FOXP2: variants seen among roughly 807,000 people sequenced by gnomAD.
FOXP2 encodes forkhead box protein P2.
FOXP2 carries 12 observed loss-of-function variants against 115.8 expected under a neutral mutation model. That is an observed-to-expected ratio of 0.10 (90% CI 0.07 to 0.17). The LOEUF (loss-of-function observed/expected upper bound fraction) is 0.17. FOXP2 is among the 10% of genes least tolerant of loss of function. The pLI, the probability that FOXP2 is intolerant of heterozygous loss-of-function variation, is 1.00. For missense variants in FOXP2, 629 were observed against 843.5 expected (o/e 0.75, Z 3.15); for synonymous variants, 328 against 297.7 (o/e 1.10, Z -1.05).
intron 1 of FOXP2, among the ~76,000 whole-genome samples, chr7:114,256,082 A>G (rs540165663): frequency 8.5e-5 from 13 of 152,204 alleles, no homozygotes; most frequent in African/African-American, 2.9e-4. Flanking sequence ...AATCATTGCC[A>G]TTCTGATTGG....
At chr7:114,461,720 T>C (rs1201415691) in intron 2 of FOXP2, among the ~76,000 whole-genome samples, 1 of 152,128 alleles carries the variant, frequency 6.6e-6, no homozygotes. Flanking sequence ...TCATTCTTTC[T>C]TCTTCACTCC....
intron 15 of FOXP2, 25 bp from the exon 16 acceptor site, chr7:114,664,248 T>C: frequency 6.2e-7 from 1 of 1,611,526 alleles, no homozygotes; most frequent in Non-Finnish European, 8.5e-7. Flanking sequence ...TTGAAAGTTG[T>C]TTTACACAAT....
chr7:114,536,684 C>T (rs557000284), intron 3 of FOXP2, among the ~76,000 whole-genome samples: 2 of 151,438 alleles, frequency 1.3e-5, no homozygotes, highest in Non-Finnish European at 3.0e-5. Context: ...CATTGTGTCA[C>T]TTGTTTTTCA....
intron 1 of FOXP2, among the ~76,000 whole-genome samples, chr7:114,235,995 T>G (rs1250335942): frequency 2.0e-5 from 3 of 152,198 alleles, no homozygotes; most frequent in Admixed American, 1.3e-4. Flanking sequence ...TTTTTGACAG[T>G]TACTTCCCTA....
chr7:114,666,736 G>T (rs1045129548), intron 16 of FOXP2: 3 of 152,188 alleles, frequency 2.0e-5, no homozygotes, highest in Non-Finnish European at 2.9e-5. Flanking sequence ...TGTAATGCCA[G>T]ACTGTCAGGG....
intron 3 of FOXP2, among the ~76,000 whole-genome samples, chr7:114,621,734 G>A (rs139820241): frequency 1.3e-5 from 2 of 152,080 alleles, no homozygotes; most frequent in African/African-American, 2.4e-5. Flanking sequence ...AAGCAAGGCA[G>A]TTTATAGCCT....
At chr7:114,160,976 C>T (rs1450695699), upstream of FOXP2, among the ~76,000 whole-genome samples, 4 of 152,146 alleles carry the variant, frequency 2.6e-5, no homozygotes, top group Non-Finnish European at 4.4e-5. Flanking sequence ...AATGACATGT[C>T]AGTCCAGGAC....
intron 2 of FOXP2, among the ~76,000 whole-genome samples, chr7:114,498,711 T>A (rs1249183810): frequency 2.0e-5 from 3 of 152,348 alleles, no homozygotes; most frequent in Non-Finnish European, 2.9e-5. Flanking sequence ...TAGTTAATAA[T>A]CCACATTTTT....
chr7:114,516,631 C>A (rs893813669), intron 2 of FOXP2, among the ~76,000 whole-genome samples: 1 of 151,802 alleles, frequency 6.6e-6, no homozygotes, highest in African/African-American at 2.4e-5. Context: ...CCACCAAGAG[C>A]GTACAAAGGT....
At chr7:114,395,602 A>T (rs1419168544) in intron 2 of FOXP2, among the ~76,000 whole-genome samples, 1 of 152,154 alleles carries the variant, frequency 6.6e-6, no homozygotes, top group Non-Finnish European at 1.5e-5. Flanking sequence ...TTTTATATAC[A>T]TTTAAGAAGT....
intron 1 of FOXP2, among the ~76,000 whole-genome samples, chr7:114,266,860 T>C (rs1028452826): frequency 6.6e-6 from 1 of 152,170 alleles, no homozygotes; most frequent in Non-Finnish European, 1.5e-5. Context: ...ATTAGTTCAT[T>C]GAACAAAAAT....
intron 3 of FOXP2, among the ~76,000 whole-genome samples, chr7:114,597,300 T>C (rs1420801554): frequency 6.6e-6 from 1 of 152,110 alleles, no homozygotes; most frequent in African/African-American, 2.4e-5. Context: ...TTCATACTTA[T>C]ACAGTTCTTT....
intron 1 of FOXP2, among the ~76,000 whole-genome samples, chr7:114,201,504 G>T (rs1285740253): frequency 1.3e-5 from 2 of 152,038 alleles, no homozygotes; most frequent in Admixed American, 1.3e-4. Context: ...CAAATTTAAG[G>T]AATTTGATTT....
chr7:114,092,628 T>A (rs892039966), intron 1 of FOXP2, among the ~76,000 whole-genome samples: 1 of 152,090 alleles, frequency 6.6e-6, no homozygotes, highest in Admixed American at 6.6e-5. Flanking sequence ...TGGCAGATAG[T>A]GAGGAAAAAC....
At chr7:114,164,883 T>A (rs1584517510) in intron 1 of FOXP2, among the ~76,000 whole-genome samples, 1 of 152,090 alleles carries the variant, frequency 6.6e-6, no homozygotes, top group Admixed American at 6.6e-5. Flanking sequence ...TCTACAGAAA[T>A]AAGAATGAAC....
chr7:114,213,546 G>T (rs1422836999), intron 1 of FOXP2, among the ~76,000 whole-genome samples: 3 of 151,942 alleles, frequency 2.0e-5, no homozygotes, highest in Non-Finnish European at 4.4e-5. Context: ...ATTCCCATGG[G>T]CTAAATTTTA....
chr7:114,629,998 C>T lies in FOXP2; in HGVS notation c.590C>T (p.Ala197Val), dbSNP rs769729974. The change falls in exon 5 of 17, where the codon GCG becomes GTG. Residue 197 changes from alanine to valine, a missense_variant. Physicochemically the swap from Ala to Val is moderately conservative, Grantham distance 64 (BLOSUM62 0). This residue lies in a region of FOXP2 where 138 missense variants were observed against 205.1 expected (regional missense o/e 0.67). Transcript: ENST00000350908. ...CAGCAACAGCATCCTGGAAAGCAAG[C>T]GAAAGAGGTAGGATCCGGTTATCTC... ...QQQQQHPGKQ[A>V]KEQQQQQQQQ... is the part of the protein sequence containing the mutation. 6.3e-6 allele frequency: 10 copies of T among 1,590,666 alleles called. No individual in the cohort carries two copies. In the East Asian group the frequency reaches 6.8e-5, roughly 11 times the overall value.
intron 1 of FOXP2, among the ~76,000 whole-genome samples, chr7:114,233,546 A>G (rs1794938420): frequency 6.6e-6 from 1 of 152,220 alleles, no homozygotes; most frequent in African/African-American, 2.4e-5. Flanking sequence ...AATGGAGTGG[A>G]TTAGCTGGGG....
At chr7:114,096,706 G>T (rs1225218579) in intron 1 of FOXP2, among the ~76,000 whole-genome samples, 2 of 152,098 alleles carry the variant, frequency 1.3e-5, no homozygotes, top group African/African-American at 4.8e-5. Flanking sequence ...TTATTATAAG[G>T]TTTGTTATTT....
Sources: allele counts gnomAD v4.1 joint callset (sites outside exome capture counted in the v4.1 genomes callset), GRCh38; gene constraint gnomAD v4.1.1; regional missense constraint gnomAD v4.1.1; transcripts MANE v1.5; gene names NCBI Gene and HGNC (gene_info 2026-07-23, HGNC 2026-07-21).